FAT4: variants seen among roughly 807,000 people sequenced by gnomAD.
FAT4 encodes protocadherin Fat 4.
In FAT4, 84 loss-of-function variants were observed where a neutral mutation model predicts 303.9. That is an observed-to-expected ratio of 0.28 (90% CI 0.23 to 0.33). FAT4 has a LOEUF of 0.33. Among genes scored for constraint, FAT4 ranks in the 10% least tolerant of loss-of-function variants. The probability of loss-of-function intolerance (pLI) is 1.00; values close to 1 mark genes in which losing one functional copy is unlikely to be tolerated. For missense variants in FAT4, 6,005 were observed against 6,146.8 expected, an observed-to-expected ratio of 0.98 and a Z score of 0.77; for synonymous variants, 2,307 against 2,298.8, an observed-to-expected ratio of 1.00 and a Z score of -0.10.
At chr4:125,388,003 T>A (rs1302048093) in intron 2 of FAT4, among the ~76,000 whole-genome samples, 3 of 152,204 alleles carry the variant, frequency 2.0e-5, no homozygotes, top group Non-Finnish European at 4.4e-5. Context: ...TAGACTCAAC[T>A]AGGAAGCTTG....
intron 2 of FAT4, among the ~76,000 whole-genome samples, chr4:125,377,340 A>AC (rs1022819165): frequency 9.2e-5 from 14 of 152,220 alleles, no homozygotes; most frequent in African/African-American, 3.4e-4. Flanking sequence ...TCAAAAAAAA[A>AC]CAAAAAGCTA....
intron 3 of FAT4, among the ~76,000 whole-genome samples, chr4:125,402,594 A>C (rs1734429739): frequency 6.6e-6 from 1 of 152,042 alleles, no homozygotes; most frequent in Admixed American, 6.6e-5. Flanking sequence ...GACTGGCCTG[A>C]AGAATGCAGT....
intron 13 of FAT4, 62 bp downstream of exon 13, chr4:125,476,318 A>G (rs1213173762): frequency 2.3e-6 from 2 of 879,592 alleles, no homozygotes; most frequent in African/African-American, 1.7e-5. Context: ...TAAACTTTAT[A>G]CCTAAAAATA....
At position 125,415,038 on chromosome 4, in the gene FAT4, G is replaced by T; in HGVS notation, c.6075G>T (p.Gln2025His). Residue 2025 changes from glutamine (Q) to histidine (H), a missense_variant, in exon 6 of 18, where the codon CAG (glutamine) becomes CAT (histidine). Physicochemically the swap from Gln to His is conservative, Grantham distance 24. Transcript: ENST00000394329. The part of the protein sequence containing the change: ...NLVVQVHDLP[Q>H]IPASRFTSTA... The stretch of plus-strand genomic sequence containing the variant: ...TTGTTCAAGTGCATGACCTGCCACA[G>T]ATTCCAGCCTCCAGATTCACAAGCA... 1 of 1,614,082 alleles carries T rather than the reference G, an allele frequency of 6.2e-7. No homozygotes were observed. Among genetic ancestry groups the T allele is most frequent in the Non-Finnish European group, 8.5e-7 (1 of 1,179,974 alleles).
At position 125,316,769 on chromosome 4, in the gene FAT4, G is replaced by A. The variant is rs1165902550; in HGVS notation, c.358G>A (p.Glu120Lys). 1 of 1,614,044 alleles carries A rather than the reference G, an allele frequency of 6.2e-7. No homozygotes were observed. Among genetic ancestry groups the A allele is most frequent in the East Asian group, 2.2e-5 (1 of 44,866 alleles). The stretch of plus-strand genomic sequence containing the variant: ...TTCCAGCGCGCCCACCTACCCCACC[G>A]AAGTGCGAGTGCTGGTGCGGGACCT... ...VLSSAPTYPTEVRVLVRDLND... is the reference protein window; with the variant it reads ...VLSSAPTYPTKVRVLVRDLND... Residue 120 changes from glutamate (E) to lysine (K), a missense_variant, in exon 2 of 18, where the codon GAA becomes AAA. Transcript: ENST00000394329. This position sits in a 1 kb window ranked among gnomAD's most constrained non-coding sequence, Gnocchi z 5.7.
chr4:125,481,501 T>C lies in FAT4; in HGVS notation c.12605-20T>C. ...GCCAAATGAATGCATTCATTTTCCCTTTTTTCCTTTGACTTCCAGCTGTTA... is the reference window on the plus strand; with the variant it reads ...GCCAAATGAATGCATTCATTTTCCCCTTTTTCCTTTGACTTCCAGCTGTTA... On this transcript the variant is annotated intron_variant, in intron 15 of 17. Transcript: ENST00000394329. The C allele has an allele frequency of 6.2e-7, 1 of 1,608,954 alleles. No individual in the cohort carries two copies. Among genetic ancestry groups the C allele is most frequent in the Non-Finnish European group, 8.5e-7 (1 of 1,175,954 alleles).
chr4:125,396,920 G>GTA (rs1560797343), intron 2 of FAT4, among the ~76,000 whole-genome samples: 3 of 29,576 alleles, frequency 1.0e-4, no homozygotes, highest in African/African-American at 1.7e-4. Context: ...ATGTGTATGT[G>GTA]TGTGTGTATA....
rs1322902069 is a variant in FAT4 at position 125,415,783 on chromosome 4, A to G, written c.6820A>G (p.Thr2274Ala). The change falls in exon 6 of 18, where the codon ACA (threonine) becomes GCA (alanine). Residue 2274 changes from threonine (T) to alanine (A), a missense_variant. Physicochemically the swap from Thr to Ala is moderately conservative, Grantham distance 58. Coordinates refer to ENST00000394329, the MANE Select transcript of FAT4 (RefSeq NM_001291303.3). ...TGTAAATGTCCCTGAGAATTTAGGGACACTACCCAGAACAATTCTTCAGGT... is the reference window on the plus strand; with the variant it reads ...TGTAAATGTCCCTGAGAATTTAGGGGCACTACCCAGAACAATTCTTCAGGT... ...YSVNVPENLG[T>A]LPRTILQVVA... The G allele has an allele frequency of 1.2e-6, 2 of 1,612,834 alleles. No individual in the cohort carries two copies. The highest frequency in any genetic ancestry group is 2.2e-5 in the East Asian group (1 of 44,824).
chr4:125,473,099 T>C (rs1726919023), intron 12 of FAT4, among the ~76,000 whole-genome samples: 1 of 152,140 alleles, frequency 6.6e-6, no homozygotes, highest in Non-Finnish European at 1.5e-5. Context: ...CATAATGTTA[T>C]ATTTTATATT....
chr4:125,334,384 C>T, intron 2 of FAT4, among the ~76,000 whole-genome samples: 1 of 152,072 alleles, frequency 6.6e-6, no homozygotes, highest in Non-Finnish European at 1.5e-5. Flanking sequence ...CCCTAAATCC[C>T]ATTTGCAAAG....
intron 16 of FAT4, among the ~76,000 whole-genome samples, chr4:125,485,250 T>G (rs1302085334): frequency 6.8e-6 from 1 of 147,852 alleles, no homozygotes; most frequent in Admixed American, 6.9e-5. Flanking sequence ...ATAAATTAAC[T>G]TTAGCTTACT....
At chr4:125,466,564 T>C (rs1014323924) in intron 11 of FAT4, among the ~76,000 whole-genome samples, 2 of 150,910 alleles carry the variant, frequency 1.3e-5, no homozygotes, top group Admixed American at 1.3e-4. Flanking sequence ...AAATATTAAA[T>C]ATAGATGCCA....
At chr4:125,398,966 A>C (rs1734284642) in intron 3 of FAT4, 51 bp downstream of exon 3, 3 of 1,588,812 alleles carry the variant, frequency 1.9e-6, no homozygotes, top group African/African-American at 2.7e-5. Context: ...GCAGTGATTT[A>C]TCAAATTTCT....
chr4:125,460,020 A>G (rs907676847), intron 10 of FAT4, among the ~76,000 whole-genome samples: 8 of 152,060 alleles, frequency 5.3e-5, no homozygotes, highest in African/African-American at 1.7e-4. Flanking sequence ...AAATTATGGA[A>G]TCCTTTTCTC....
At chr4:125,463,534 T>TAAA (rs750634260) in intron 10 of FAT4, 29 bp from the exon 11 acceptor site, 3 of 1,404,386 alleles carry the variant, frequency 2.1e-6, no homozygotes, top group Non-Finnish European at 2.9e-6. Flanking sequence ...GTATGAGATT[T>TAAA]AAAAAAAACT....
At chr4:125,404,286 C>G (rs941986887) in intron 3 of FAT4, among the ~76,000 whole-genome samples, 2 of 151,832 alleles carry the variant, frequency 1.3e-5, no homozygotes, top group Non-Finnish European at 2.9e-5. Flanking sequence ...CCTTCTCTGG[C>G]CTCTCCCTAC....
At chr4:125,455,857 C>G (rs903011941) in intron 10 of FAT4, among the ~76,000 whole-genome samples, 1 of 152,172 alleles carries the variant, frequency 6.6e-6, no homozygotes, top group Admixed American at 6.5e-5. Context: ...TACTCTCAGA[C>G]TTTGAGGCAG....
At chr4:125,333,340 A>G (rs2125960018) in intron 2 of FAT4, among the ~76,000 whole-genome samples, 1 of 152,274 alleles carries the variant, frequency 6.6e-6, no homozygotes, top group East Asian at 1.9e-4. Flanking sequence ...AAACAGACCT[A>G]TTTTAAAGTG....
rs559838029 is a variant in FAT4, at chr4:125,335,559, G to A, written c.5175+13973G>A. On this transcript the variant is annotated intron_variant, in intron 2 of 17. Transcript: ENST00000394329. ...GTTAATAATATAATTTATAATACACGGAGGAAACATTTGAAGAAATAAAAC... is the reference window on the plus strand; with the variant it reads ...GTTAATAATATAATTTATAATACACAGAGGAAACATTTGAAGAAATAAAAC... Among the ~76,000 whole-genome samples the A allele has an allele frequency of 4.6e-5, 7 of 151,868 alleles. 1 individual carries two copies. In the South Asian group the frequency reaches 1.5e-3, roughly 32 times the overall value.
Sources: allele counts gnomAD v4.1 joint callset (sites outside exome capture counted in the v4.1 genomes callset), GRCh38; gene constraint gnomAD v4.1.1; non-coding constraint Gnocchi (gnomAD v3.1); transcripts MANE v1.5; gene names NCBI Gene and HGNC (gene_info 2026-07-23, HGNC 2026-07-21).